Variants in GORASP1 observed in about 807,000 individuals in gnomAD.
GORASP1 encodes the protein Golgi reassembly-stacking protein 1.
GORASP1 carries 31 observed loss-of-function variants against 37.7 expected under a neutral mutation model. That is an observed-to-expected ratio of 0.82 (90% CI 0.62 to 1.11). GORASP1 has a LOEUF of 1.11. Ranked by LOEUF, GORASP1 falls within the 50% of genes least tolerant of loss-of-function variation. The pLI is 0.00. For missense variants in GORASP1, 476 were observed against 560.7 expected, an observed-to-expected ratio of 0.85 and a Z score of 1.53; for synonymous variants, 204 against 224.8, an observed-to-expected ratio of 0.91 and a Z score of 0.83.
In GORASP1 at chr3:39,098,182, C is replaced by A; in HGVS notation, c.*54G>T. The A allele has an allele frequency of 6.3e-7, 1 of 1,583,578 alleles. No individual in the cohort carries two copies. ...CGCATAGTGCAGCCCGGGCTGCCTGCCCACATCTGGGCCTCATGAAATGTC... is the reference window on the plus strand; with the variant it reads ...CGCATAGTGCAGCCCGGGCTGCCTGACCACATCTGGGCCTCATGAAATGTC... On this transcript the variant is annotated 3_prime_UTR_variant, in exon 9 of 9. Transcript: ENST00000319283. The surrounding 1 kb of genome is among the most constrained non-coding windows in gnomAD (Gnocchi z 4.7).
chr3:39,102,770 G>C lies in GORASP1; in HGVS notation c.256C>G (p.Pro86Ala), dbSNP rs762679174. 8.7e-6 allele frequency: 14 copies of C among 1,614,130 alleles called. No individual in the cohort carries two copies. The highest frequency in any genetic ancestry group is 1.0e-5 in the Non-Finnish European group (12 of 1,180,030). The change falls in exon 3 of 9, where the codon CCC (proline) becomes GCC (alanine). Residue 86 changes from proline (P) to alanine (A), a missense_variant. Physicochemically the swap from Pro to Ala is conservative, Grantham distance 27. Coordinates refer to ENST00000319283, the MANE Select transcript of GORASP1 (RefSeq NM_031899.4). The surrounding 1 kb of genome is among the most constrained non-coding windows in gnomAD (Gnocchi z 5.0). ...CCCTGGCCGCCCCACATGTTGCTGG[G>C]CACCACCTCCACCTCGCGCACCCTC... Reference protein sequence around the residue: ...TMRVREVEVVPSNMWGGQGLL... With the variant: ...TMRVREVEVVASNMWGGQGLL...
intron 6 of GORASP1, 46 bp from the exon 7 acceptor site, chr3:39,099,549 T>C: frequency 6.3e-7 from 1 of 1,580,742 alleles, no homozygotes; most frequent in Non-Finnish European, 8.6e-7. Flanking sequence ...GGACAGTGCC[T>C]CAAGGTGAAG....
Position 39,098,239 on chromosome 3 carries a change from T to G in GORASP1, c.1320A>C (p.Glu440Asp). The change falls in exon 9 of 9, where the codon GAA (glutamate) becomes GAC (aspartate). Residue 440 changes from glutamate (E) to aspartate (D), a missense_variant. Transcript: ENST00000319283. This position sits in a 1 kb window ranked among gnomAD's most constrained non-coding sequence, Gnocchi z 4.7. Reference protein sequence around the residue: ...LDSQAQISTTE With the variant: ...LDSQAQISTTD ...GGCCTTGTCACAGCCCAGGGTGTTATTCTGTGGTAGAGATCTGGGCCTGGC... is the reference window on the plus strand; with the variant it reads ...GGCCTTGTCACAGCCCAGGGTGTTAGTCTGTGGTAGAGATCTGGGCCTGGC... 1 of 1,613,930 alleles carries G rather than the reference T, an allele frequency of 6.2e-7. No homozygotes were observed. Among genetic ancestry groups the G allele is most frequent in the South Asian group, 1.1e-5 (1 of 91,056 alleles).
In GORASP1 at chr3:39,103,484, G is replaced by A; in HGVS notation, c.133C>T (p.His45Tyr). The A allele has an allele frequency of 1.2e-6, 2 of 1,613,022 alleles. No individual in the cohort carries two copies. The highest frequency in any genetic ancestry group is 1.7e-6 in the Non-Finnish European group (2 of 1,179,442). ...GTTGGGGAACTCACCAGCCTCGAGT[G>A]CCCAATGGTGATGATGAAGTCAAAG... Reference protein sequence around the residue: ...PYFDFIITIGHSRLNKENDTL... With the variant: ...PYFDFIITIGYSRLNKENDTL... Residue 45 changes from histidine (H) to tyrosine (Y), a missense_variant, in exon 2 of 9, where the codon CAC becomes TAC. Coordinates refer to ENST00000319283, the MANE Select transcript of GORASP1 (RefSeq NM_031899.4). The surrounding 1 kb of genome is among the most constrained non-coding windows in gnomAD (Gnocchi z 5.2).
chr3:39,104,258 A>G (rs1575464373), intron 1 of GORASP1, among the ~76,000 whole-genome samples: 1 of 152,240 alleles, frequency 6.6e-6, no homozygotes, highest in African/African-American at 2.4e-5. Flanking sequence ...TGTAGCCTCC[A>G]TGCCTGTGCA....
chr3:39,107,010 C>G (rs1282196973), intron 1 of GORASP1: 1 of 454,342 alleles, frequency 2.2e-6, no homozygotes, highest in African/African-American at 2.0e-5. Flanking sequence ...AGGACGCGCG[C>G]CGACGGGCTC....
Position 39,100,276 on chromosome 3 carries a change from T to C in GORASP1, c.765+29A>G. ...AGGGCAGCCTCTAGAGTTTTCTGTCTTCCCAGTTGGCAGATTCTCCCCACA... is the reference window on the plus strand; with the variant it reads ...AGGGCAGCCTCTAGAGTTTTCTGTCCTCCCAGTTGGCAGATTCTCCCCACA... On this transcript the variant is annotated intron_variant, in intron 6 of 8. Coordinates refer to ENST00000319283, the MANE Select transcript of GORASP1 (RefSeq NM_031899.4). This position sits in a 1 kb window ranked among gnomAD's most constrained non-coding sequence, Gnocchi z 4.6. 6.2e-7 allele frequency: 1 copy of C among 1,605,466 alleles called. No individual in the cohort carries two copies. Among genetic ancestry groups the C allele is most frequent in the Non-Finnish European group, 8.5e-7 (1 of 1,172,242 alleles).
rs1303685164 is a variant in GORASP1 at position 39,107,554 on chromosome 3, G to T, written c.-13C>A. 5 of 1,488,140 alleles carry T rather than the reference G, an allele frequency of 3.4e-6. No homozygotes were observed. Among genetic ancestry groups the T allele is most frequent in the Non-Finnish European group, 4.4e-6 (5 of 1,129,644 alleles). The allele number at this position is 1,488,140 out of a possible 1,614,324, so 92.2% of individuals were successfully genotyped here. ...CGCCCAGGCCCATGGCAGCGGCTCC[G>T]CTCGGCACCCAGGTCCAGTCCCGCT... On this transcript the variant is annotated 5_prime_UTR_variant, in exon 1 of 9. Transcript: ENST00000319283.
rs371755327 is a variant in GORASP1, at chr3:39,107,567, G to A, written c.-26C>T. 624 of 1,489,216 alleles carry A rather than the reference G, an allele frequency of 4.2e-4. 3 individuals are homozygous for A. The African/African-American group carries it at 7.6e-3, about 18-fold the overall frequency. The allele number at this position is 1,489,216 out of a possible 1,614,324, so 92.3% of individuals were successfully genotyped here. On this transcript the variant is annotated 5_prime_UTR_variant, in exon 1 of 9. Coordinates refer to ENST00000319283, the MANE Select transcript of GORASP1 (RefSeq NM_031899.4). ...GGCAGCGGCTCCGCTCGGCACCCAGGTCCAGTCCCGCTGCGCCTACCCGGA... is the reference window on the plus strand; with the variant it reads ...GGCAGCGGCTCCGCTCGGCACCCAGATCCAGTCCCGCTGCGCCTACCCGGA...
chr3:39,098,597 G>C lies in GORASP1; in HGVS notation c.1070-108C>G, dbSNP rs1301307534. 5 of 1,502,440 alleles carry C rather than the reference G, an allele frequency of 3.3e-6. No homozygotes were observed. Among genetic ancestry groups the C allele is most frequent in the Non-Finnish European group, 4.5e-6 (5 of 1,111,954 alleles). The allele number at this position is 1,502,440 out of a possible 1,614,324, so 93.1% of individuals were successfully genotyped here. ...CCCATTGCCACTCCAGGTTTGATGG[G>C]GGATTGGAGATGGAGTGTACAAATG... is the stretch of plus-strand genomic sequence containing the variant. On this transcript the variant is annotated intron_variant, in intron 8 of 8. Transcript: ENST00000319283. This position sits in a 1 kb window ranked among gnomAD's most constrained non-coding sequence, Gnocchi z 4.7.
In GORASP1 at chr3:39,103,591, C is replaced by A; in HGVS notation, c.64-38G>T. 1 of 1,535,090 alleles carries A rather than the reference C, an allele frequency of 6.5e-7. No homozygotes were observed. On this transcript the variant is annotated intron_variant, in intron 1 of 8. Transcript: ENST00000319283. This position sits in a 1 kb window ranked among gnomAD's most constrained non-coding sequence, Gnocchi z 5.2. ...AAAGACCACAGTCACTGCGCCAACC[C>A]TGGGACTCTCCAAGTAGCCCTCTCC...
At position 39,103,410 on chromosome 3, in the gene GORASP1, G is replaced by T; in HGVS notation, c.144+63C>A. On this transcript the variant is annotated intron_variant, in intron 2 of 8. Coordinates refer to ENST00000319283, the MANE Select transcript of GORASP1 (RefSeq NM_031899.4). This position sits in a 1 kb window ranked among gnomAD's most constrained non-coding sequence, Gnocchi z 5.2. ...GAAGGGTAGACTGGGGCCCCCTGTG[G>T]GACAGATGAAGACACACAAACACAC... The T allele has an allele frequency of 7.2e-7, 1 of 1,386,562 alleles. No individual in the cohort carries two copies. The highest frequency in any genetic ancestry group is 1.0e-6 in the Non-Finnish European group (1 of 998,632). The allele number at this position is 1,386,562 out of a possible 1,614,324, so 85.9% of individuals were successfully genotyped here.
rs544559383 is a variant in GORASP1 at position 39,102,196 on chromosome 3, A to G, written c.348+482T>C. Among the ~76,000 whole-genome samples, 1 of 152,314 alleles carries G rather than the reference A, an allele frequency of 6.6e-6. No individual in the cohort carries two copies. The highest frequency in any genetic ancestry group is 6.5e-5 in the Admixed American group (1 of 15,304). On this transcript the variant is annotated intron_variant, in intron 3 of 8. Coordinates refer to ENST00000319283, the MANE Select transcript of GORASP1 (RefSeq NM_031899.4). This position sits in a 1 kb window ranked among gnomAD's most constrained non-coding sequence, Gnocchi z 5.0. ...ATACTGAGTACTGTAGGCAACTGTAACACAATTAAGTATCTGTGTGTCTAA... is the reference window on the plus strand; with the variant it reads ...ATACTGAGTACTGTAGGCAACTGTAGCACAATTAAGTATCTGTGTGTCTAA...
intron 1 of GORASP1, among the ~76,000 whole-genome samples, chr3:39,106,146 G>C (rs892361826): frequency 6.6e-6 from 1 of 151,918 alleles, no homozygotes; most frequent in African/African-American, 2.4e-5. Flanking sequence ...TCATCCAAAT[G>C]TCAGCTCCAG....
Position 39,099,402 on chromosome 3 carries a change from CA to C in GORASP1, c.866del (p.Met289ArgfsTer45). 6.2e-7 allele frequency: 1 copy of C among 1,613,398 alleles called. No homozygotes were observed. Among genetic ancestry groups the C allele is most frequent in the Middle Eastern group, 1.7e-4 (1 of 6,056 alleles). ...GAGGTGGGGGCTGAAGAGGAGTCTCCATGAAATGGGGAAGTCCATCAGGGTC... is the reference window on the plus strand; with the variant it reads ...GAGGTGGGGGCTGAAGAGGAGTCTCCTGAAATGGGGAAGTCCATCAGGGTC... The part of the protein sequence containing the change: ...APDPDGLPHF[M>X]ETPLQPPPPV... On this transcript the variant is annotated frameshift_variant, in exon 7 of 9. Transcript: ENST00000319283. LOFTEE classifies it high-confidence loss of function.
intron 3 of GORASP1, among the ~76,000 whole-genome samples, chr3:39,101,867 T>C (rs2035741450): frequency 6.6e-6 from 1 of 152,176 alleles, no homozygotes; most frequent in Non-Finnish European, 1.5e-5. Flanking sequence ...ATTCAAGAAC[T>C]TAGATACCAT....
rs574951984 is a variant in GORASP1 at position 39,102,076 on chromosome 3, A to T, written c.348+602T>A. ...TAGTTGACTTCATTGTTGTGCAAAC[A>T]TCATAGAACTTAACCTACACATAGC... On this transcript the variant is annotated intron_variant, in intron 3 of 8. Coordinates refer to ENST00000319283, the MANE Select transcript of GORASP1 (RefSeq NM_031899.4). The surrounding 1 kb of genome is among the most constrained non-coding windows in gnomAD (Gnocchi z 5.0). Among the ~76,000 whole-genome samples the T allele has an allele frequency of 4.5e-4, 49 of 107,808 alleles. No homozygotes were observed. Among genetic ancestry groups the T allele is most frequent in the African/African-American group, 4.1e-3 (49 of 11,956 alleles). 70.7% of individuals were successfully genotyped at this position (107,808 alleles called of 152,430 possible). A position where few individuals can be genotyped will look rare whatever the true frequency, so the allele number is the denominator to read the frequency against.
rs1301307534 is a variant in GORASP1 at position 39,098,597 on chromosome 3, G to A, written c.1070-108C>T. The A allele has an allele frequency of 4.0e-6, 6 of 1,502,440 alleles. No individual in the cohort carries two copies. The highest frequency in any genetic ancestry group is 1.3e-5 in the South Asian group (1 of 77,350). The allele number at this position is 1,502,440 out of a possible 1,614,324, so 93.1% of individuals were successfully genotyped here. On this transcript the variant is annotated intron_variant, in intron 8 of 8. Transcript: ENST00000319283. The surrounding 1 kb of genome is among the most constrained non-coding windows in gnomAD (Gnocchi z 4.7). ...CCCATTGCCACTCCAGGTTTGATGG[G>A]GGATTGGAGATGGAGTGTACAAATG... is the stretch of plus-strand genomic sequence containing the variant.
chr3:39,107,174 A>G (rs967141685), intron 1 of GORASP1: 5 of 529,504 alleles, frequency 9.4e-6, no homozygotes, highest in Non-Finnish European at 1.8e-5. Flanking sequence ...GTAGTGGTGC[A>G]TTCTTCACCC....
Sources: allele counts gnomAD v4.1 joint callset (sites outside exome capture counted in the v4.1 genomes callset), GRCh38; gene constraint gnomAD v4.1.1; non-coding constraint Gnocchi (gnomAD v3.1); transcripts MANE v1.5; gene names NCBI Gene and HGNC (gene_info 2026-07-23, HGNC 2026-07-21).